Variants in TLN1 observed in about 807,000 individuals in gnomAD.
TLN1 encodes talin-1.
A neutral mutation model predicts 292.3 loss-of-function variants in TLN1; 56 were observed. The observed-to-expected ratio is 0.19, with a 90% CI of 0.15 to 0.24. TLN1 has a LOEUF of 0.24. TLN1 is among the 10% of genes least tolerant of loss of function. The pLI is 1.00. For synonymous variants in TLN1, 1,119 were observed against 1,253.7 expected (o/e 0.89, Z 2.27); for missense variants, 2,433 against 3,248.2 (o/e 0.75, Z 6.10).
chr9:35,703,305 C>T (rs1056696145), intron 48 of TLN1, among the ~76,000 whole-genome samples: 2 of 152,116 alleles, frequency 1.3e-5, no homozygotes, highest in Admixed American at 6.5e-5. Flanking sequence ...GGGGAAGTCA[C>T]ATGGTGACTG....
At position 35,706,782 on chromosome 9, in the gene TLN1, C is replaced by T. The variant is rs771359668; in HGVS notation, c.5074G>A (p.Gly1692Arg). 1 of 1,613,980 alleles carries T rather than the reference C, an allele frequency of 6.2e-7. No individual in the cohort carries two copies. Among genetic ancestry groups the T allele is most frequent in the South Asian group, 1.1e-5 (1 of 91,070 alleles). The part of the protein sequence containing the change: ...AVSQQLAPRE[G>R]ISQEALHTQM... ...CTCCCTCTCACCTCTTGAGAGATTC[C>T]CTCACGGGGAGCAAGCTGCTGGCTG... The change falls in exon 38 of 57, where the codon GGA (glycine) becomes AGA (arginine). Residue 1692 changes from glycine to arginine, a missense_variant. Transcript: ENST00000314888. The surrounding 1 kb of genome is among the most constrained non-coding windows in gnomAD (Gnocchi z 4.2).
At chr9:35,715,235 C>A (rs748529518) in intron 20 of TLN1, 48 bp from the exon 21 acceptor site, 4 of 1,594,154 alleles carry the variant, frequency 2.5e-6, no homozygotes, top group Non-Finnish European at 3.4e-6. Flanking sequence ...TCCTGTGGAT[C>A]CTAAAGAAGC....
Position 35,722,902 on chromosome 9 carries a change from T to G in TLN1, c.802A>C (p.Lys268Gln), listed in dbSNP as rs372294034. The G allele has an allele frequency of 1.2e-6, 2 of 1,613,926 alleles. No homozygotes were observed. The highest frequency in any genetic ancestry group is 3.3e-4 in the Middle Eastern group (2 of 6,060). ...TCTCCCTTCTGCTTCACATACTCCT[T>G]GGGCAGGAAGTCCTTCAGGCTACAC... ...GFLDLKDFLP[K>Q]EYVKQKGERK... The change falls in exon 8 of 57, where the codon AAG becomes CAG. Residue 268 changes from lysine (K) to glutamine (Q), a missense_variant. Lys to Gln is a moderately conservative substitution (Grantham distance 53). This residue lies in a region of TLN1 where 78 missense variants were observed against 88.8 expected (regional missense o/e 0.88). Coordinates refer to ENST00000314888, the MANE Select transcript of TLN1 (RefSeq NM_006289.4).
At chr9:35,726,389 A>C (rs1825979001) in intron 1 of TLN1, among the ~76,000 whole-genome samples, 2 of 150,904 alleles carry the variant, frequency 1.3e-5, no homozygotes, top group South Asian at 2.1e-4. Flanking sequence ...TCTCAGCCCT[A>C]CTCCTGCCTT....
chr9:35,699,025 G>T lies in TLN1; in HGVS notation c.6999+7C>A, dbSNP rs745328578. 7 of 1,612,410 alleles carry T rather than the reference G, an allele frequency of 4.3e-6. No homozygotes were observed. The highest frequency in any genetic ancestry group is 5.9e-6 in the Non-Finnish European group (7 of 1,178,678). On this transcript the variant is annotated splice_region_variant and intron_variant, in intron 52 of 56. Transcript: ENST00000314888. The surrounding 1 kb of genome is among the most constrained non-coding windows in gnomAD (Gnocchi z 4.0). Reference sequence around the variant, plus strand: ...TGAGGGTGGAAGAGGAAGGGAGCAGGACTGACCTTGGGTTTGGCCCGGGGC... The same window carrying T: ...TGAGGGTGGAAGAGGAAGGGAGCAGTACTGACCTTGGGTTTGGCCCGGGGC...
intron 7 of TLN1, chr9:35,723,256 C>T (rs1228573858): frequency 4.2e-6 from 1 of 240,606 alleles, no homozygotes; most frequent in Non-Finnish European, 8.3e-6. Context: ...CATGTGCCAC[C>T]ACGCCTGGCT....
intron 32 of TLN1, 37 bp downstream of exon 32, chr9:35,710,760 A>C: frequency 6.2e-7 from 1 of 1,613,886 alleles, no homozygotes; most frequent in South Asian, 1.1e-5. Flanking sequence ...GCTCCATCCT[A>C]CTGCCCTCTC....
At chr9:35,711,950 A>C (rs373759321) in intron 28 of TLN1, 55 bp downstream of exon 28, 14 of 1,603,266 alleles carry the variant, frequency 8.7e-6, no homozygotes, top group African/African-American at 8.0e-5. Flanking sequence ...GGGAGGAAGG[A>C]GAGGCCTGGC....
At position 35,717,612 on chromosome 9, in the gene TLN1, G is replaced by A; in HGVS notation, c.2163+7C>T. 6.2e-7 allele frequency: 1 copy of A among 1,604,914 alleles called. No homozygotes were observed. The stretch of plus-strand genomic sequence containing the variant: ...CAGCACGGACTAGAGCAACCTTTGG[G>A]GCTCACCTTAGTACAGGCCACTAGT... On this transcript the variant is annotated splice_region_variant and intron_variant, in intron 18 of 56. Transcript: ENST00000314888. The surrounding 1 kb of genome is among the most constrained non-coding windows in gnomAD (Gnocchi z 4.7).
rs1164548621 is a variant in TLN1, at chr9:35,707,547, TGAAGTCCAG to T, written c.4633-68_4633-60del. ...ATGCAGTCATAGGGGGTATAGGAAG[TGAAGTCCAG>T]GTCTCCTTCCTGGGACTTACAGGAT... On this transcript the variant is annotated intron_variant, in intron 35 of 56. Coordinates refer to ENST00000314888, the MANE Select transcript of TLN1 (RefSeq NM_006289.4). This position sits in a 1 kb window ranked among gnomAD's most constrained non-coding sequence, Gnocchi z 5.6. The T allele has an allele frequency of 6.3e-7, 1 of 1,596,904 alleles. No individual in the cohort carries two copies. Among genetic ancestry groups the T allele is most frequent in the Non-Finnish European group, 8.6e-7 (1 of 1,168,752 alleles).
In TLN1 at chr9:35,724,736, G is replaced by T. The variant is rs772242515; in HGVS notation, c.359-12C>A. The T allele has an allele frequency of 1.2e-6, 2 of 1,614,018 alleles. No individual in the cohort carries two copies. Among genetic ancestry groups the T allele is most frequent in the Non-Finnish European group, 1.7e-6 (2 of 1,179,992 alleles). On this transcript the variant is annotated splice_polypyrimidine_tract_variant and intron_variant, in intron 4 of 56. Transcript: ENST00000314888. The surrounding 1 kb of genome is among the most constrained non-coding windows in gnomAD (Gnocchi z 4.7). The stretch of plus-strand genomic sequence containing the variant: ...ATGATTGGTGATGCCTGAGGAAGGA[G>T]ATGGCTTGTTAGCTTCCCAGGTACT...
intron 7 of TLN1, 27 bp from the exon 8 acceptor site, chr9:35,722,948 T>A (rs375508332): frequency 6.2e-7 from 1 of 1,610,946 alleles, no homozygotes; most frequent in Non-Finnish European, 8.5e-7. Flanking sequence ...AGGGTCAGCA[T>A]GTGGTAGACA....
In TLN1 at chr9:35,700,382, G is replaced by T; in HGVS notation, c.6475-6C>A. The T allele has an allele frequency of 6.3e-7, 1 of 1,592,314 alleles. No individual in the cohort carries two copies. The highest frequency in any genetic ancestry group is 1.1e-5 in the South Asian group (1 of 90,550). On this transcript the variant is annotated splice_region_variant and splice_polypyrimidine_tract_variant and intron_variant, in intron 48 of 56. Coordinates refer to ENST00000314888, the MANE Select transcript of TLN1 (RefSeq NM_006289.4). ...GGCTCTGGGGAACAGAAAACCTGTG[G>T]GGGCAGAAGAAGAAGAAAGATTTTA...
Position 35,720,047 on chromosome 9 carries a change from G to C in TLN1, c.1456C>G (p.Pro486Ala). 6.3e-7 allele frequency: 1 copy of C among 1,588,576 alleles called. No individual in the cohort carries two copies. The highest frequency in any genetic ancestry group is 1.2e-5 in the South Asian group (1 of 86,684). The change falls in exon 13 of 57, where the codon CCT becomes GCT. Residue 486 changes from proline (P) to alanine (A), a missense_variant. Around this residue, in one of 7 missense-constraint regions of TLN1, gnomAD observed 617 missense variants for 770.6 expected, o/e 0.80. Transcript: ENST00000314888. ...TSGQMHRGHM[P>A]PLTSAQQALT... ...GGAAGTGGGACACTTACCAGAGGAGGCATGTGTCCTCGGTGCATCTGGCCG... is the reference window on the plus strand; with the variant it reads ...GGAAGTGGGACACTTACCAGAGGAGCCATGTGTCCTCGGTGCATCTGGCCG...
chr9:35,715,195 A>T lies in TLN1; in HGVS notation c.2626-8T>A. The T allele has an allele frequency of 6.2e-7, 1 of 1,607,518 alleles. No homozygotes were observed. The highest frequency in any genetic ancestry group is 8.5e-7 in the Non-Finnish European group (1 of 1,179,706). ...AGGGTGGGCAGCTGCTCCCTGAGGG[A>T]GAGGTGGAAAGACAGTCATCACCCA... is the stretch of plus-strand genomic sequence containing the variant. On this transcript the variant is annotated splice_region_variant and splice_polypyrimidine_tract_variant and intron_variant, in intron 20 of 56. Coordinates refer to ENST00000314888, the MANE Select transcript of TLN1 (RefSeq NM_006289.4).
In TLN1 at chr9:35,705,768, T is replaced by C; in HGVS notation, c.5595A>G (p.Ala1865=). The C allele has an allele frequency of 6.2e-7, 1 of 1,614,238 alleles. No individual in the cohort carries two copies. The highest frequency in any genetic ancestry group is 8.5e-7 in the Non-Finnish European group (1 of 1,180,040). ...AACTCACCATCTCCTGAACGGTCAC[T>C]GCAATGGCCTTGGCTGTCCGCACCA... The part of the protein sequence containing the change: ...TTMVRTAKAI[A]VTVQEMVTKS... Residue 1865 remains alanine, a synonymous_variant, in exon 42 of 57, where the codon GCA becomes GCG. Transcript: ENST00000314888.
rs1825392385 is a variant in TLN1 at position 35,697,766 on chromosome 9, T to C, written c.*25A>G. ...TGGCACGCACAGTCTCTGGGCCGGGTCTGCATTAAATAGAAGAGGCTTCTT... is the reference window on the plus strand; with the variant it reads ...TGGCACGCACAGTCTCTGGGCCGGGCCTGCATTAAATAGAAGAGGCTTCTT... On this transcript the variant is annotated 3_prime_UTR_variant, in exon 57 of 57. Coordinates refer to ENST00000314888, the MANE Select transcript of TLN1 (RefSeq NM_006289.4). The C allele has an allele frequency of 6.2e-7, 1 of 1,612,768 alleles. No homozygotes were observed. Among genetic ancestry groups the C allele is most frequent in the Admixed American group, 1.7e-5 (1 of 59,936 alleles).
chr9:35,704,184 G>A lies in TLN1; in HGVS notation c.6048-10C>T. On this transcript the variant is annotated splice_polypyrimidine_tract_variant and intron_variant, in intron 45 of 56. Transcript: ENST00000314888. This position sits in a 1 kb window ranked among gnomAD's most constrained non-coding sequence, Gnocchi z 6.9. ...CTTCAGGATGCCCTCCCTGAGGGAGGGCCCAGCTTAGTCAGATCTCCCCTA... is the reference window on the plus strand; with the variant it reads ...CTTCAGGATGCCCTCCCTGAGGGAGAGCCCAGCTTAGTCAGATCTCCCCTA... 1 of 1,581,930 alleles carries A rather than the reference G, an allele frequency of 6.3e-7. No individual in the cohort carries two copies. Among genetic ancestry groups the A allele is most frequent in the Non-Finnish European group, 8.6e-7 (1 of 1,162,578 alleles).
At chr9:35,697,985 G>A (rs1825395917) in intron 56 of TLN1, 59 bp downstream of exon 56, 3 of 1,614,008 alleles carry the variant, frequency 1.9e-6, no homozygotes, top group East Asian at 2.2e-5. Flanking sequence ...GTTGGGACCA[G>A]CGCAGGCAAC....
Sources: allele counts gnomAD v4.1 joint callset (sites outside exome capture counted in the v4.1 genomes callset), GRCh38; gene constraint gnomAD v4.1.1; regional missense constraint gnomAD v4.1.1; non-coding constraint Gnocchi (gnomAD v3.1); transcripts MANE v1.5; gene names NCBI Gene and HGNC (gene_info 2026-07-23, HGNC 2026-07-21).